ATE1: variants seen among roughly 807,000 people sequenced by gnomAD.
The protein encoded by ATE1 is arginyl-tRNA--protein transferase 1.
In ATE1, 36 loss-of-function variants were observed where a neutral mutation model predicts 70.5. The observed-to-expected ratio is 0.51, with a 90% CI of 0.39 to 0.67. The LOEUF (loss-of-function observed/expected upper bound fraction) is 0.67. ATE1 is among the 30% of genes least tolerant of loss of function. The pLI is 0.00. For missense variants in ATE1, 593 were observed against 629.5 expected, an observed-to-expected ratio of 0.94 and a Z score of 0.62; for synonymous variants, 232 against 219.3, an observed-to-expected ratio of 1.06 and a Z score of -0.51.
chr10:121,833,178 T>C (rs529960367), intron 10 of ATE1, among the ~76,000 whole-genome samples: 2 of 152,262 alleles, frequency 1.3e-5, no homozygotes, highest in East Asian at 3.9e-4. Context: ...AGAGTATTTA[T>C]CAATACTCAA....
At chr10:121,877,463 G>C (rs1950090351) in intron 7 of ATE1, among the ~76,000 whole-genome samples, 1 of 152,080 alleles carries the variant, frequency 6.6e-6, no homozygotes, top group Non-Finnish European at 1.5e-5. Flanking sequence ...TCCTAGGTAT[G>C]GAGTATAGTT....
chr10:121,842,176 CTTAAT>C (rs1948656115), intron 8 of ATE1, among the ~76,000 whole-genome samples: 1 of 152,110 alleles, frequency 6.6e-6, no homozygotes, highest in African/African-American at 2.4e-5. Context: ...TCATTATTAT[CTTAAT>C]TTAACTATAA....
chr10:121,789,044 AG>A (rs2133258519), intron 11 of ATE1, among the ~76,000 whole-genome samples: 1 of 152,340 alleles, frequency 6.6e-6, no homozygotes, highest in Non-Finnish European at 1.5e-5. Context: ...TGCAGACAAA[AG>A]CCTGTGGCAT....
intron 7 of ATE1, among the ~76,000 whole-genome samples, chr10:121,894,905 A>C (rs922886876): frequency 1.3e-5 from 2 of 152,200 alleles, no homozygotes; most frequent in South Asian, 4.2e-4. Flanking sequence ...TGTCTCAAAA[A>C]ATAAATAAAT....
At chr10:121,807,323 G>C (rs1947135001) in intron 10 of ATE1, among the ~76,000 whole-genome samples, 1 of 152,230 alleles carries the variant, frequency 6.6e-6, no homozygotes. Context: ...AAGAAAGGAA[G>C]AGTAACCAAA....
At chr10:121,913,512 A>C (rs1465721528) in intron 4 of ATE1, among the ~76,000 whole-genome samples, 2 of 152,238 alleles carry the variant, frequency 1.3e-5, no homozygotes, top group African/African-American at 2.4e-5. Context: ...TGAGTTATCA[A>C]AGCATTCTGG....
At chr10:121,776,815 T>C (rs573776246) in intron 11 of ATE1, among the ~76,000 whole-genome samples, 1 of 152,282 alleles carries the variant, frequency 6.6e-6, no homozygotes, top group African/African-American at 2.4e-5. Flanking sequence ...GGGACTACAG[T>C]TGAGAGTTTG....
chr10:121,894,703 T>A (rs1950708194), intron 7 of ATE1, among the ~76,000 whole-genome samples: 1 of 151,696 alleles, frequency 6.6e-6, no homozygotes, highest in African/African-American at 2.4e-5. Context: ...ATCAAGACCA[T>A]CCCTGGCTAA....
rs1590553497 is a variant in ATE1 at position 121,864,311 on chromosome 10, C to T, written c.975+5695G>A. 3.3e-5 allele frequency among the ~76,000 whole-genome samples: 5 copies of T among 152,322 alleles called. No individual in the cohort carries two copies. The South Asian group carries it at 1.0e-3, about 32-fold the overall frequency. On this transcript the variant is annotated intron_variant, in intron 8 of 11. Coordinates refer to ENST00000224652, the MANE Select transcript of ATE1 (RefSeq NM_001001976.3). ...TTAGATTCTCATAAGCAGCTCACAA[C>T]CCAGCTCCCTCACATGGGCAGTTCA...
At chr10:121,912,949 G>A (rs1384307120) in intron 4 of ATE1, among the ~76,000 whole-genome samples, 3 of 148,004 alleles carry the variant, frequency 2.0e-5, no homozygotes, top group Non-Finnish European at 4.5e-5. Flanking sequence ...GCACAATGTC[G>A]GCTCACTGCA....
At chr10:121,773,003 G>A (rs1407540717) in intron 11 of ATE1, among the ~76,000 whole-genome samples, 1 of 152,276 alleles carries the variant, frequency 6.6e-6, no homozygotes, top group East Asian at 1.9e-4. Flanking sequence ...AGGAAGGAAT[G>A]TTTTCTTTAA....
chr10:121,852,766 T>C (rs541029580), intron 8 of ATE1, among the ~76,000 whole-genome samples: 7 of 152,310 alleles, frequency 4.6e-5, no homozygotes, highest in African/African-American at 1.7e-4. Context: ...TGTGGCTTCA[T>C]TTCTCTAAAA....
chr10:121,785,808 A>G (rs565695299), intron 11 of ATE1, among the ~76,000 whole-genome samples: 1 of 152,212 alleles, frequency 6.6e-6, no homozygotes, highest in South Asian at 2.1e-4. Flanking sequence ...TCTTTATAGC[A>G]AATTTAAATT....
chr10:121,885,213 A>T lies in ATE1; in HGVS notation c.942+14653T>A, dbSNP rs181624838. Among the ~76,000 whole-genome samples, 3 of 143,694 alleles carry T rather than the reference A, an allele frequency of 2.1e-5. No individual in the cohort carries two copies. In the East Asian group the frequency reaches 6.3e-4, roughly 30 times the overall value. The allele number at this position is 143,694 out of a possible 152,430, so 94.3% of individuals were successfully genotyped here. On this transcript the variant is annotated intron_variant, in intron 7 of 11. Coordinates refer to ENST00000224652, the MANE Select transcript of ATE1 (RefSeq NM_001001976.3). ...GAGGTGGAGGTTGCCGTGAGCCAAG[A>T]TCATGCCATTACATTCCAGCCTGGG...
In ATE1 at chr10:121,869,986, G is replaced by C; in HGVS notation, c.975+20C>G. On this transcript the variant is annotated intron_variant, in intron 8 of 11. Coordinates refer to ENST00000224652, the MANE Select transcript of ATE1 (RefSeq NM_001001976.3). ...GTTCAATTACCAATTCTAATATTAA[G>C]GTCAGTGAGTAACTCTTACCTCCAA... The C allele has an allele frequency of 6.3e-7, 1 of 1,589,138 alleles. No individual in the cohort carries two copies. Among genetic ancestry groups the C allele is most frequent in the South Asian group, 1.1e-5 (1 of 89,842 alleles).
chr10:121,926,013 C>A (rs1487477001), intron 1 of ATE1, among the ~76,000 whole-genome samples: 1 of 152,044 alleles, frequency 6.6e-6, no homozygotes, highest in Non-Finnish European at 1.5e-5. Context: ...CAAGACCAAG[C>A]CTGGCCAACA....
chr10:121,898,748 A>T, intron 7 of ATE1: 1 of 1,449,342 alleles, frequency 6.9e-7, no homozygotes, highest in Non-Finnish European at 9.4e-7. Flanking sequence ...TACACACTGA[A>T]AGGGTCATCA....
At chr10:121,754,381 A>T (rs1449368323) in intron 11 of ATE1, among the ~76,000 whole-genome samples, 1 of 152,226 alleles carries the variant, frequency 6.6e-6, no homozygotes. Context: ...GTGCTCAAAA[A>T]ATGATGGGGA....
Position 121,917,543 on chromosome 10 carries a change from A to G in ATE1, c.234-3650T>C, listed in dbSNP as rs954670258. The stretch of plus-strand genomic sequence containing the variant: ...ATGGAAAGCTAGGGATGGGGACAAA[A>G]ACGAGCTTGAATGTGGCAGGGAAAC... On this transcript the variant is annotated intron_variant, in intron 3 of 11. Coordinates refer to ENST00000224652, the MANE Select transcript of ATE1 (RefSeq NM_001001976.3). Among the ~76,000 whole-genome samples the G allele has an allele frequency of 2.0e-5, 3 of 152,186 alleles. No homozygotes were observed. In the East Asian group the frequency reaches 5.8e-4, roughly 29 times the overall value.
Sources: allele counts gnomAD v4.1 joint callset (sites outside exome capture counted in the v4.1 genomes callset), GRCh38; gene constraint gnomAD v4.1.1; transcripts MANE v1.5; gene names NCBI Gene and HGNC (gene_info 2026-07-23, HGNC 2026-07-21).